The following PHACTR2 variants were observed in gnomAD, a reference collection of about 807,000 sequenced individuals.
The protein encoded by PHACTR2 is phosphatase and actin regulator 2.
In PHACTR2, 30 loss-of-function variants were observed where a neutral mutation model predicts 76.0. The ratio of observed to expected loss-of-function variants is 0.39; its 90% CI spans 0.30 to 0.54. The LOEUF is 0.54. PHACTR2 is among the 20% of genes least tolerant of loss of function. The pLI, the probability that PHACTR2 is intolerant of heterozygous loss-of-function variation, is 0.61. For synonymous variants in PHACTR2, 292 were observed against 292.5 expected, an observed-to-expected ratio of 1.00 and a Z score of 0.02; for missense variants, 696 against 781.1, an observed-to-expected ratio of 0.89 and a Z score of 1.30.
intron 1 of PHACTR2, among the ~76,000 whole-genome samples, chr6:143,640,396 A>G (rs1195395018): frequency 1.3e-5 from 2 of 152,200 alleles, no homozygotes. Flanking sequence ...ACTCAGTCAA[A>G]TAGAATAGAA....
At chr6:143,693,621 G>A (rs1335992072) in intron 1 of PHACTR2, among the ~76,000 whole-genome samples, 1 of 152,144 alleles carries the variant, frequency 6.6e-6, no homozygotes, top group East Asian at 1.9e-4. Flanking sequence ...GGACTTATTA[G>A]CAATGTCCCA....
chr6:143,670,928 CTT>C (rs35247865), intron 1 of PHACTR2, among the ~76,000 whole-genome samples: 59 of 145,604 alleles, frequency 4.1e-4, no homozygotes, highest in African/African-American at 7.6e-4. Flanking sequence ...AGGCCAAGGC[CTT>C]TTTTTTTTTT....
At chr6:143,584,456 C>T (rs765982991) in intron 1 of PHACTR2, among the ~76,000 whole-genome samples, 20 of 152,236 alleles carry the variant, frequency 1.3e-4, no homozygotes, top group South Asian at 4.1e-4. Context: ...GAACAAACAG[C>T]GCCTAATTCA....
chr6:143,705,363 T>C (rs949345958), intron 1 of PHACTR2, among the ~76,000 whole-genome samples: 3 of 149,922 alleles, frequency 2.0e-5, no homozygotes, highest in Non-Finnish European at 4.4e-5. Flanking sequence ...GGCGCAATCT[T>C]GGTTCACTGC....
At position 143,679,699 on chromosome 6, in the gene PHACTR2, A is replaced by T. The variant is rs548065520; in HGVS notation, c.46+1490A>T. ...ATTTTGCCTTAATAAAAATCAAGGA[A>T]TATTATATAAATGATGTCTAAGAAG... On this transcript the variant is annotated intron_variant, in intron 1 of 12. Transcript: ENST00000440869. This position sits in a 1 kb window ranked among gnomAD's most constrained non-coding sequence, Gnocchi z 4.6. Among the ~76,000 whole-genome samples, 371 of 152,318 alleles carry T rather than the reference A, an allele frequency of 2.4e-3. 5 individuals are homozygous for T. Among genetic ancestry groups the T allele is most frequent in the African/African-American group, 8.6e-3 (356 of 41,580 alleles).
intron 1 of PHACTR2, among the ~76,000 whole-genome samples, chr6:143,704,642 A>G (rs1227332672): frequency 1.3e-5 from 2 of 152,132 alleles, no homozygotes; most frequent in African/African-American, 2.4e-5. Flanking sequence ...ACAAACACTG[A>G]TACTATTCCT....
At chr6:143,702,052 T>C (rs1443352930) in intron 1 of PHACTR2, among the ~76,000 whole-genome samples, 1 of 151,562 alleles carries the variant, frequency 6.6e-6, no homozygotes, top group East Asian at 1.9e-4. Context: ...CAGTTTACCA[T>C]CCCAGTTGGG....
At chr6:143,693,030 C>T (rs565337182) in intron 1 of PHACTR2, among the ~76,000 whole-genome samples, 1 of 152,288 alleles carries the variant, frequency 6.6e-6, no homozygotes, top group African/African-American at 2.4e-5. Context: ...TCTGTGCCCA[C>T]ACACATCTGT....
At position 143,828,733 on chromosome 6, in the gene PHACTR2, T is replaced by C. The variant is rs1269813209; in HGVS notation, c.*5044T>C. On this transcript the variant is annotated 3_prime_UTR_variant, in exon 13 of 13. Coordinates refer to ENST00000440869, the MANE Select transcript of PHACTR2 (RefSeq NM_001100164.2). This position sits in a 1 kb window ranked among gnomAD's most constrained non-coding sequence, Gnocchi z 4.7. ...GGTCTGTGTTTCTCAGTGGGGGTAC[T>C]CTTGGCATTTGGAGCTGGATAGGTC... The C allele has an allele frequency of 6.6e-6, 1 of 152,262 alleles. No individual in the cohort carries two copies. The highest frequency in any genetic ancestry group is 2.4e-5 in the African/African-American group (1 of 41,452). The allele number at this position is 152,262 out of a possible 1,614,324, so 9.4% of individuals were successfully genotyped here. A position where few individuals can be genotyped will look rare whatever the true frequency, so the allele number is the denominator to read the frequency against.
intron 1 of PHACTR2, chr6:143,711,049 C>A (rs1362377780): frequency 3.9e-6 from 2 of 516,768 alleles, no homozygotes; most frequent in Admixed American, 3.9e-5. Flanking sequence ...GTAAATTTTA[C>A]AAAAGTGAAA....
rs1775618237 is a variant in PHACTR2 at position 143,585,336 on chromosome 6, G to T, written c.217+48129G>T. 6.6e-6 allele frequency among the ~76,000 whole-genome samples: 1 copy of T among 152,234 alleles called. No individual in the cohort carries two copies. Among genetic ancestry groups the T allele is most frequent in the Non-Finnish European group, 1.5e-5 (1 of 68,034 alleles). On this transcript the variant is annotated intron_variant, in intron 1 of 11. Transcript: ENST00000367584. This position sits in a 1 kb window ranked among gnomAD's most constrained non-coding sequence, Gnocchi z 5.2. ...GGAGCAAGATTCCAGCTACCAGGAA[G>T]AGGCTGGAAGCAGAATTCCAGTCTT...
At position 143,595,348 on chromosome 6, in the gene PHACTR2, C is replaced by T. The variant is rs1156734767; in HGVS notation, c.217+58141C>T. Among the ~76,000 whole-genome samples, 2 of 152,174 alleles carry T rather than the reference C, an allele frequency of 1.3e-5. No homozygotes were observed. Among genetic ancestry groups the T allele is most frequent in the Non-Finnish European group, 2.9e-5 (2 of 68,042 alleles). ...TAAAGGTAACTTTATTTCCAGCATT[C>T]GACCAAAATGCAGGGATTTGGGCCA... is the stretch of plus-strand genomic sequence containing the variant. On this transcript the variant is annotated intron_variant, in intron 1 of 11. Coordinates refer to the PHACTR2 transcript ENST00000367584. This position sits in a 1 kb window ranked among gnomAD's most constrained non-coding sequence, Gnocchi z 4.2.
At chr6:143,748,680 C>T (rs1320982472) in intron 2 of PHACTR2, among the ~76,000 whole-genome samples, 2 of 152,228 alleles carry the variant, frequency 1.3e-5, no homozygotes, top group Non-Finnish European at 2.9e-5. Flanking sequence ...TTTCTAGCTT[C>T]AGCGTGAGAA....
At chr6:143,540,341 A>G (rs1482263632) in intron 1 of PHACTR2, among the ~76,000 whole-genome samples, 1 of 152,058 alleles carries the variant, frequency 6.6e-6, no homozygotes, top group Admixed American at 6.6e-5. Context: ...TTGTCAGAGA[A>G]CAGCCTCCCT....
At position 143,585,906 on chromosome 6, in the gene PHACTR2, A is replaced by G. The variant is rs73780465; in HGVS notation, c.217+48699A>G. On this transcript the variant is annotated intron_variant, in intron 1 of 11. Coordinates refer to the PHACTR2 transcript ENST00000367584. The surrounding 1 kb of genome is among the most constrained non-coding windows in gnomAD (Gnocchi z 5.2). ...GCTGGGGCCGCTAGCACTTCATGGCAGGGACACATTATTTTTCTTCTTTGA... is the reference window on the plus strand; with the variant it reads ...GCTGGGGCCGCTAGCACTTCATGGCGGGGACACATTATTTTTCTTCTTTGA... 1.6e-4 allele frequency among the ~76,000 whole-genome samples: 25 copies of G among 152,346 alleles called. No homozygotes were observed. Among genetic ancestry groups the G allele is most frequent in the African/African-American group, 5.8e-4 (24 of 41,572 alleles).
intron 1 of PHACTR2, among the ~76,000 whole-genome samples, chr6:143,635,165 T>C (rs1173302902): frequency 6.6e-6 from 1 of 152,220 alleles, no homozygotes; most frequent in Non-Finnish European, 1.5e-5. Flanking sequence ...CAAATTAGAT[T>C]ATACATATTG....
rs975848076 is a variant in PHACTR2, at chr6:143,591,110, G to A, written c.217+53903G>A. ...TGAAATATTAACAGGTTTTTTTTCT[G>A]TAATTCTTTGTGCCTTGTGATGCTT... On this transcript the variant is annotated intron_variant, in intron 1 of 11. Coordinates refer to the PHACTR2 transcript ENST00000367584. The surrounding 1 kb of genome is among the most constrained non-coding windows in gnomAD (Gnocchi z 6.4). 1.3e-5 allele frequency among the ~76,000 whole-genome samples: 2 copies of A among 148,488 alleles called. No homozygotes were observed. Among genetic ancestry groups the A allele is most frequent in the African/African-American group, 5.3e-5 (2 of 38,060 alleles).
In PHACTR2 at chr6:143,771,168, A is replaced by G. The variant is rs866703203; in HGVS notation, c.1233-1090A>G. Among the ~76,000 whole-genome samples the G allele has an allele frequency of 4.8e-3, 134 of 28,018 alleles. 3 individuals are homozygous for G. Among genetic ancestry groups the G allele is most frequent in the African/African-American group, 0.024 (125 of 5,300 alleles). The allele number at this position is 28,018 out of a possible 152,430, so 18.4% of individuals were successfully genotyped here. ...TGTATATATATATATGTATATATAT[A>G]TATATGTATATATATATATATGTGT... On this transcript the variant is annotated intron_variant, in intron 6 of 12. Transcript: ENST00000440869.
At chr6:143,565,604 CAAAAAAA>C (rs556657528) in intron 1 of PHACTR2, among the ~76,000 whole-genome samples, 1 of 105,980 alleles carries the variant, frequency 9.4e-6, no homozygotes, top group Non-Finnish European at 1.9e-5. Context: ...GACTCCGTCT[CAAAAAAA>C]AAAAAAAAAA....
Sources: allele counts gnomAD v4.1 joint callset (sites outside exome capture counted in the v4.1 genomes callset), GRCh38; gene constraint gnomAD v4.1.1; non-coding constraint Gnocchi (gnomAD v3.1); transcripts MANE v1.5; gene names NCBI Gene and HGNC (gene_info 2026-07-23, HGNC 2026-07-21).